FAM185A: variants seen among roughly 807,000 people sequenced by gnomAD.
FAM185A encodes the protein family with sequence similarity 185 member A.
In FAM185A, 21 loss-of-function variants were observed where a neutral mutation model predicts 45.7. The observed-to-expected ratio is 0.46, with a 90% CI of 0.33 to 0.66. The LOEUF (loss-of-function observed/expected upper bound fraction) is 0.66, where lower values mean the gene tolerates loss of function less well. FAM185A is among the 30% of genes least tolerant of loss of function. The probability of loss-of-function intolerance (pLI) is 0.03; values close to 1 mark genes in which losing one functional copy is unlikely to be tolerated. For missense variants in FAM185A, 305 were observed against 485.4 expected (o/e 0.63, Z 3.49); for synonymous variants, 117 against 194.0 (o/e 0.60, Z 3.30).
chr7:102,821,435 G>A, the FAM185A span, among the ~76,000 whole-genome samples: 1 of 152,132 alleles, frequency 6.6e-6, no homozygotes, highest in Admixed American at 6.5e-5. Context: ...AGAAACCAGG[G>A]CTCATGGTTC....
intron 7 of FAM185A, among the ~76,000 whole-genome samples, chr7:102,805,312 A>G (rs1195646149): frequency 6.6e-6 from 1 of 152,198 alleles, no homozygotes; most frequent in Admixed American, 6.5e-5. Context: ...TGGATAAAGA[A>G]ACTGGAATAT....
At chr7:102,792,947 A>G (rs1323356091) in intron 7 of FAM185A, among the ~76,000 whole-genome samples, 1 of 152,190 alleles carries the variant, frequency 6.6e-6, no homozygotes, top group African/African-American at 2.4e-5. Flanking sequence ...TTCTCTCCAA[A>G]TCGGGAAAAA....
At position 102,751,790 on chromosome 7, in the gene FAM185A, C is replaced by T; in HGVS notation, c.550C>T (p.Gln184Ter). 3.2e-6 allele frequency: 5 copies of T among 1,547,536 alleles called. No individual in the cohort carries two copies. In the South Asian group the frequency reaches 6.0e-5, roughly 19 times the overall value. The stretch of plus-strand genomic sequence containing the variant: ...AACAGAGCATGGGACTAGTATCTTG[C>T]AGTCTGTTAAGGTATAGCATTTTTC... ...IETEHGTSILQSVKGQKLHVQ... is the reference protein window; with the variant it reads ...IETEHGTSIL The change falls in exon 2 of 8, where the codon CAG becomes TAG. Residue 184 changes from glutamine (Q) to a stop codon, truncating the protein, a stop_gained. Coordinates refer to ENST00000413034, the MANE Select transcript of FAM185A (RefSeq NM_001145268.2). LOFTEE classifies it high-confidence loss of function.
chr7:102,796,820 A>G (rs1386339105), intron 7 of FAM185A, among the ~76,000 whole-genome samples: 1 of 152,200 alleles, frequency 6.6e-6, no homozygotes, highest in African/African-American at 2.4e-5. Flanking sequence ...ACTTGTTCGA[A>G]CACTTAAGAC....
chr7:102,749,513 G>T lies in FAM185A; in HGVS notation c.306G>T (p.Leu102=). The T allele has an allele frequency of 6.6e-7, 1 of 1,523,694 alleles. No homozygotes were observed. The highest frequency in any genetic ancestry group is 1.3e-5 in the South Asian group (1 of 79,098). The allele number at this position is 1,523,694 out of a possible 1,614,324, so 94.4% of individuals were successfully genotyped here. ...CCTACCCGGATGGCGACCGCGTGCT[G>T]GTCGCGGTGTGCGGCGTGGAGGGCG... is the stretch of plus-strand genomic sequence containing the variant. ...PLTYPDGDRV[L]VAVCGVEGGV... The change falls in exon 1 of 8, where the codon CTG becomes CTT. Residue 102 remains leucine, a synonymous_variant. Transcript: ENST00000413034.
chr7:102,847,952 T>A, the FAM185A span, among the ~76,000 whole-genome samples: 1 of 152,224 alleles, frequency 6.6e-6, no homozygotes. Context: ...CATATACACA[T>A]TGACATATGT....
chr7:102,817,961 A>G, the FAM185A span, among the ~76,000 whole-genome samples: 34 of 152,248 alleles, frequency 2.2e-4, no homozygotes, highest in African/African-American at 7.0e-4. Context: ...ATGATATGTC[A>G]TAGTTGTAAC....
chr7:102,793,722 T>G (rs1401560870), intron 7 of FAM185A, among the ~76,000 whole-genome samples: 1 of 151,930 alleles, frequency 6.6e-6, no homozygotes, highest in East Asian at 1.9e-4. Context: ...TATATTTTTT[T>G]GTTTTTAAAT....
At chr7:102,836,189 A>C in the FAM185A span, among the ~76,000 whole-genome samples, 1 of 152,192 alleles carries the variant, frequency 6.6e-6, no homozygotes. Flanking sequence ...AGAGGTTTTA[A>C]ATTTAAAACT....
downstream of FAM185A, among the ~76,000 whole-genome samples, chr7:102,811,234 A>C (rs1797415266): frequency 6.6e-6 from 1 of 152,256 alleles, no homozygotes; most frequent in Non-Finnish European, 1.5e-5. Context: ...TACTAATGGA[A>C]TTGTACATAT....
intron 6 of FAM185A, among the ~76,000 whole-genome samples, chr7:102,783,530 C>T (rs1391894090): frequency 1.3e-5 from 2 of 152,186 alleles, no homozygotes; most frequent in Admixed American, 1.3e-4. Flanking sequence ...GGCAACTGAA[C>T]AACCTGCTCT....
chr7:102,841,084 G>A, the FAM185A span, among the ~76,000 whole-genome samples: 59 of 152,136 alleles, frequency 3.9e-4, no homozygotes, highest in Non-Finnish European at 7.4e-4. Context: ...ACAGGCCCTT[G>A]GTTTATGTCA....
chr7:102,811,965 C>T (rs1353185903), downstream of FAM185A, among the ~76,000 whole-genome samples: 1 of 152,196 alleles, frequency 6.6e-6, no homozygotes, highest in Admixed American at 6.5e-5. Context: ...TATAATAATA[C>T]TTTGTACAAT....
At chr7:102,799,710 G>C (rs1163557898) in intron 7 of FAM185A, among the ~76,000 whole-genome samples, 68 of 152,246 alleles carry the variant, frequency 4.5e-4, no homozygotes, top group Non-Finnish European at 8.5e-4. Flanking sequence ...ATATCTAAAC[G>C]AAGGCTTGTA....
At chr7:102,849,592 A>C in the FAM185A span, among the ~76,000 whole-genome samples, 2 of 152,352 alleles carry the variant, frequency 1.3e-5, no homozygotes, top group East Asian at 3.9e-4. Flanking sequence ...CAGATAATCT[A>C]AACATCTCAA....
intron 1 of FAM185A, 123 bp from the exon 2 acceptor site, chr7:102,751,569 G>T (rs1349393813): frequency 8.3e-7 from 1 of 1,203,122 alleles, no homozygotes; most frequent in Non-Finnish European, 1.1e-6. Context: ...TACCTTTACA[G>T]TATGCACTTT....
chr7:102,788,554 AT>A (rs1795959208), intron 7 of FAM185A, among the ~76,000 whole-genome samples: 1 of 152,236 alleles, frequency 6.6e-6, no homozygotes, highest in Non-Finnish European at 1.5e-5. Context: ...CATAACAGGA[AT>A]AAAAATAATA....
At chr7:102,819,703 CTT>C in the FAM185A span, among the ~76,000 whole-genome samples, 9 of 152,300 alleles carry the variant, frequency 5.9e-5, 1 homozygote, top group East Asian at 1.7e-3. Context: ...AAAAATCTCT[CTT>C]ATCCCACCTG....
chr7:102,752,565 C>T (rs1191844394), intron 2 of FAM185A, among the ~76,000 whole-genome samples: 1 of 151,318 alleles, frequency 6.6e-6, no homozygotes, highest in Non-Finnish European at 1.5e-5. Flanking sequence ...CCACTGCGTC[C>T]GGCTGTAATT....
Sources: gnomAD v4.1 joint callset for allele counts (sites outside exome capture counted in the v4.1 genomes callset) on GRCh38, gnomAD v4.1.1 for gene constraint, MANE v1.5 for transcripts, NCBI Gene and HGNC (gene_info 2026-07-23, HGNC 2026-07-21) for gene names.